Variants in ELN observed in about 807,000 individuals in gnomAD.
ELN encodes elastin.
ELN carries 65 observed loss-of-function variants against 105.8 expected under a neutral mutation model. That is an observed-to-expected ratio of 0.61 (90% CI 0.50 to 0.75). The LOEUF (loss-of-function observed/expected upper bound fraction) is 0.75. ELN is among the 30% of genes least tolerant of loss of function. The probability of loss-of-function intolerance (pLI) is 0.00; values close to 1 mark genes in which losing one functional copy is unlikely to be tolerated. For missense variants in ELN, 882 were observed against 969.4 expected (o/e 0.91, Z 1.20); for synonymous variants, 368 against 389.2 (o/e 0.95, Z 0.64).
chr7:74,029,435 C>T (rs1788168316), intron 1 of ELN, among the ~76,000 whole-genome samples: 1 of 151,888 alleles, frequency 6.6e-6, no homozygotes, highest in African/African-American at 2.4e-5. Flanking sequence ...AGAAGAGGCT[C>T]CCGGGCATGG....
intron 12 of ELN, among the ~76,000 whole-genome samples, 158 bp downstream of exon 12, chr7:74,046,925 G>C (rs1792697561): frequency 6.6e-6 from 1 of 152,078 alleles, no homozygotes; most frequent in Non-Finnish European, 1.5e-5. Flanking sequence ...CCCTACTAAA[G>C]ATACAAAAAT....
At chr7:74,058,143 C>G (rs189692997) in intron 22 of ELN, among the ~76,000 whole-genome samples, 18 of 150,698 alleles carry the variant, frequency 1.2e-4, no homozygotes, top group South Asian at 2.1e-4. Flanking sequence ...CCTTCCTCTT[C>G]TTCTCCTCCT....
rs564427976 is a variant in ELN at position 74,068,960 on chromosome 7, G to A, written c.*260G>A. 1.8e-6 allele frequency: 1 copy of A among 550,482 alleles called. No homozygotes were observed. Among genetic ancestry groups the A allele is most frequent in the East Asian group, 3.1e-5 (1 of 32,520 alleles). The allele number at this position is 550,482 out of a possible 1,614,324, so 34.1% of individuals were successfully genotyped here. A position where few individuals can be genotyped will look rare whatever the true frequency, so the allele number is the denominator to read the frequency against. Reference sequence around the variant, plus strand: ...CCACCCCATCCCTTCCCACCTAGGAGCTCCCCCTCCACACAGCCTCCATCT... The same window carrying A: ...CCACCCCATCCCTTCCCACCTAGGAACTCCCCCTCCACACAGCCTCCATCT... On this transcript the variant is annotated 3_prime_UTR_variant, in exon 33 of 33. Coordinates refer to ENST00000252034, the MANE Select transcript of ELN (RefSeq NM_000501.4).
rs56114006 is a variant in ELN at position 74,033,411 on chromosome 7, G to A, written c.83-1953G>A. On this transcript the variant is annotated intron_variant, in intron 1 of 32. Coordinates refer to ENST00000252034, the MANE Select transcript of ELN (RefSeq NM_000501.4). ...AAGAGACTGTTGAGAGCTGGAGGCC[G>A]GAGCCAGGGAAGGCATCAGAGGCCC... 3.3e-3 allele frequency among the ~76,000 whole-genome samples: 508 copies of A among 152,366 alleles called. 1 individual carries two copies. Among genetic ancestry groups the A allele is most frequent in the African/African-American group, 0.011 (461 of 41,584 alleles).
intron 17 of ELN, 115 bp downstream of exon 17, chr7:74,052,098 T>A (rs1312178160): frequency 1.7e-6 from 2 of 1,156,890 alleles, no homozygotes; most frequent in East Asian, 4.9e-5. Context: ...TATGCATTGT[T>A]CATGCCTCCT....
At position 74,065,749 on chromosome 7, in the gene ELN, T is replaced by A. The variant is rs1554688727; in HGVS notation, c.2032+17T>A. ...CTAAATACGGTGAGTTCCCCTCTGA[T>A]GCCTTCCTGCCAGTGGCCTGCACCC... On this transcript the variant is annotated intron_variant, in intron 30 of 32. Transcript: ENST00000252034. 1.2e-6 allele frequency: 2 copies of A among 1,613,926 alleles called. No homozygotes were observed. Among genetic ancestry groups the A allele is most frequent in the Admixed American group, 1.7e-5 (1 of 59,994 alleles).
chr7:74,059,158 A>G lies in ELN; in HGVS notation c.1415-728A>G, dbSNP rs138331211. 3.6e-3 allele frequency among the ~76,000 whole-genome samples: 550 copies of G among 152,232 alleles called. 1 individual carries two copies. Among genetic ancestry groups the G allele is most frequent in the Middle Eastern group, 0.01 (3 of 294 alleles). The stretch of plus-strand genomic sequence containing the variant: ...AGTGCTGGGATGACAGGCATGAGCC[A>G]ACGTGTCTGGCCTACAAAAATCTTA... On this transcript the variant is annotated intron_variant, in intron 22 of 32. Transcript: ENST00000252034.
At chr7:74,046,810 G>T (rs1554672668) in intron 12 of ELN, 43 bp downstream of exon 12, 2 of 1,609,382 alleles carry the variant, frequency 1.2e-6, no homozygotes, top group Non-Finnish European at 1.7e-6. Flanking sequence ...TCGGCCGGGT[G>T]TGGTGGTTCA....
At chr7:74,039,147 C>T (rs55787610) in intron 4 of ELN, among the ~76,000 whole-genome samples, 1 of 152,178 alleles carries the variant, frequency 6.6e-6, no homozygotes, top group Non-Finnish European at 1.5e-5. Context: ...AGACACATAG[C>T]AGGTTGTGGT....
chr7:74,053,029 C>T, intron 17 of ELN, 134 bp from the exon 18 acceptor site: 6 of 1,273,762 alleles, frequency 4.7e-6, no homozygotes, highest in Non-Finnish European at 6.7e-6. Flanking sequence ...TGAGTAGGAT[C>T]CATGCAGAGG....
In ELN at chr7:74,059,978, G is replaced by A. The variant is rs41523046; in HGVS notation, c.1507G>A (p.Val503Met). 1,113 of 1,613,372 alleles carry A rather than the reference G, an allele frequency of 6.9e-4. 1 individual carries two copies. The highest frequency in any genetic ancestry group is 8.7e-4 in the Non-Finnish European group (1,032 of 1,179,692). Residue 503 changes from valine (V) to methionine (M), a missense_variant, in exon 23 of 33, where the codon GTG becomes ATG. Transcript: ENST00000252034. Reference sequence around the variant, plus strand: ...AGTTGGCTTGGCTCCTGGAGTTGGCGTGGCTCCTGGAGTTGGTGTGGCTCC... The same window carrying A: ...AGTTGGCTTGGCTCCTGGAGTTGGCATGGCTCCTGGAGTTGGTGTGGCTCC... ...PGVGLAPGVG[V>M]APGVGVAPGV...
At chr7:74,066,471 G>A (rs1200194627) in intron 31 of ELN, among the ~76,000 whole-genome samples, 1 of 152,180 alleles carries the variant, frequency 6.6e-6, no homozygotes, top group African/African-American at 2.4e-5. Flanking sequence ...GGAGGCTGAG[G>A]CGGGAGAATC....
At chr7:74,034,053 C>T (rs766893435) in intron 1 of ELN, among the ~76,000 whole-genome samples, 2 of 152,194 alleles carry the variant, frequency 1.3e-5, no homozygotes, top group African/African-American at 2.4e-5. Context: ...CCGGTGAATT[C>T]GCTTTTCCTT....
intron 18 of ELN, 65 bp from the exon 19 acceptor site, chr7:74,054,651 G>T (rs1188822687): frequency 9.9e-6 from 15 of 1,522,086 alleles, no homozygotes; most frequent in Non-Finnish European, 1.3e-5. Flanking sequence ...TAGACAGAGG[G>T]ATACATACTA....
At chr7:74,060,659 A>G in intron 25 of ELN, 158 bp downstream of exon 25, 7 of 1,544,224 alleles carry the variant, frequency 4.5e-6, no homozygotes, top group Non-Finnish European at 6.1e-6. Context: ...AGATAGCGGG[A>G]GGAGGGCAGA....
chr7:74,059,641 G>A (rs191555419), intron 22 of ELN: 15 of 596,178 alleles, frequency 2.5e-5, no homozygotes, highest in East Asian at 1.4e-4. Context: ...TCGAGATCAC[G>A]CCATTGCACT....
At position 74,069,639 on chromosome 7, in the gene ELN, G is replaced by C. The variant is rs1425222959; in HGVS notation, c.*939G>C. 1 of 233,046 alleles carries C rather than the reference G, an allele frequency of 4.3e-6. No homozygotes were observed. The highest frequency in any genetic ancestry group is 2.2e-5 in the African/African-American group (1 of 45,196). The allele number at this position is 233,046 out of a possible 1,614,324, so 14.4% of individuals were successfully genotyped here. A position where few individuals can be genotyped will look rare whatever the true frequency, so the allele number is the denominator to read the frequency against. On this transcript the variant is annotated 3_prime_UTR_variant, in exon 33 of 33. Coordinates refer to ENST00000252034, the MANE Select transcript of ELN (RefSeq NM_000501.4). ...TGCCCCGCCCATCTTTTTGTGTCTCGCTGTGATAGATCAATAAATATTTTA... is the reference window on the plus strand; with the variant it reads ...TGCCCCGCCCATCTTTTTGTGTCTCCCTGTGATAGATCAATAAATATTTTA...
At chr7:74,035,455 T>C in intron 2 of ELN, 41 bp downstream of exon 2, 1 of 1,610,238 alleles carries the variant, frequency 6.2e-7, no homozygotes, top group African/African-American at 1.3e-5. Flanking sequence ...GTCATGCGGA[T>C]GATGCTGATG....
chr7:74,050,660 T>A (rs1793840770), intron 15 of ELN, among the ~76,000 whole-genome samples: 1 of 152,194 alleles, frequency 6.6e-6, no homozygotes, highest in South Asian at 2.1e-4. Context: ...CATGCATTCA[T>A]CCATGCCTCC....
Sources: gnomAD v4.1 joint callset for allele counts (sites outside exome capture counted in the v4.1 genomes callset) on GRCh38, gnomAD v4.1.1 for gene constraint, MANE v1.5 for transcripts, NCBI Gene and HGNC (gene_info 2026-07-23, HGNC 2026-07-21) for gene names.